EYA2: variants seen among roughly 807,000 people sequenced by gnomAD.
EYA2 encodes the protein protein phosphatase EYA2.
Under a neutral mutation model 69.2 loss-of-function variants are expected in EYA2, and 31 were observed. That is an observed-to-expected ratio of 0.45 (90% confidence interval 0.34 to 0.60). EYA2 has a LOEUF of 0.60. EYA2 is among the 20% of genes least tolerant of loss of function. The pLI, the probability that EYA2 is intolerant of heterozygous loss-of-function variation, is 0.02. For synonymous variants in EYA2, 257 were observed against 279.4 expected (o/e 0.92, Z 0.80); for missense variants, 622 against 701.2 (o/e 0.89, Z 1.28).
At chr20:47,021,179 A>T (rs1292338253) in intron 5 of EYA2, among the ~76,000 whole-genome samples, 1 of 152,226 alleles carries the variant, frequency 6.6e-6, no homozygotes, top group East Asian at 1.9e-4. Context: ...TTCAGGTTTG[A>T]TGGGCCATGT....
At chr20:47,157,057 A>G (rs1445612833) in intron 10 of EYA2, among the ~76,000 whole-genome samples, 21 of 151,990 alleles carry the variant, frequency 1.4e-4, no homozygotes, top group Admixed American at 1.4e-3. Flanking sequence ...GTGCAACAAC[A>G]GTAATACTAA....
At chr20:46,895,263 G>C (rs1304661902) in intron 1 of EYA2, among the ~76,000 whole-genome samples, 1 of 152,166 alleles carries the variant, frequency 6.6e-6, no homozygotes, top group Non-Finnish European at 1.5e-5. Flanking sequence ...CCTGAAGTTT[G>C]CTCTCCCGCG....
intron 10 of EYA2, among the ~76,000 whole-genome samples, chr20:47,166,502 C>A (rs1235437095): frequency 1.4e-5 from 2 of 138,630 alleles, no homozygotes; most frequent in African/African-American, 2.6e-5. Flanking sequence ...CTTCCAATTT[C>A]TCTACTCCCA....
At chr20:47,133,215 C>T (rs1040334589) in intron 9 of EYA2, among the ~76,000 whole-genome samples, 2 of 152,024 alleles carry the variant, frequency 1.3e-5, no homozygotes, top group Non-Finnish European at 2.9e-5. Context: ...AGATGGCTGC[C>T]GGCATCCTTG....
chr20:47,124,678 C>G (rs1165760842), intron 9 of EYA2, among the ~76,000 whole-genome samples: 1 of 152,164 alleles, frequency 6.6e-6, no homozygotes, highest in Non-Finnish European at 1.5e-5. Flanking sequence ...CTGTGACTTT[C>G]CCACTTGTAG....
At chr20:47,104,573 T>A (rs865876736) in intron 9 of EYA2, among the ~76,000 whole-genome samples, 1 of 152,212 alleles carries the variant, frequency 6.6e-6, no homozygotes, top group Non-Finnish European at 1.5e-5. Context: ...GCTCTTACAT[T>A]TAGGTCTGTG....
chr20:46,931,012 G>A (rs6066124), intron 1 of EYA2, among the ~76,000 whole-genome samples: 147,904 of 152,322 alleles, frequency 0.97, 71,944 homozygotes, highest in Non-Finnish European at 1. Context: ...TGTGATAACC[G>A]AAAACGTCTC....
chr20:47,108,372 C>T (rs375212874), intron 9 of EYA2, among the ~76,000 whole-genome samples: 1 of 152,236 alleles, frequency 6.6e-6, no homozygotes, highest in East Asian at 1.9e-4. Context: ...TGCTGGCTCC[C>T]CTTTGCTTTC....
intron 1 of EYA2, among the ~76,000 whole-genome samples, chr20:46,942,053 G>C (rs984267539): frequency 6.6e-6 from 1 of 152,180 alleles, no homozygotes; most frequent in African/African-American, 2.4e-5. Context: ...CCCTGTGCCT[G>C]GCCTAGACGT....
At chr20:47,003,608 A>G (rs753901600) in intron 3 of EYA2, among the ~76,000 whole-genome samples, 36 of 151,858 alleles carry the variant, frequency 2.4e-4, no homozygotes, top group African/African-American at 8.5e-4. Flanking sequence ...TTCAAATTTT[A>G]ACAACAATTT....
chr20:46,914,779 C>T (rs1344524291), intron 1 of EYA2, among the ~76,000 whole-genome samples: 1 of 152,184 alleles, frequency 6.6e-6, no homozygotes, highest in Non-Finnish European at 1.5e-5. Flanking sequence ...AGAAGAGTTC[C>T]TCTCTCAGAT....
chr20:47,075,904 T>A (rs1455094860), intron 7 of EYA2, among the ~76,000 whole-genome samples: 1 of 152,190 alleles, frequency 6.6e-6, no homozygotes, highest in African/African-American at 2.4e-5. Context: ...CTTCTTTGTA[T>A]CCATGTGTAC....
chr20:47,046,039 A>G (rs2030018747), intron 5 of EYA2, among the ~76,000 whole-genome samples: 1 of 152,194 alleles, frequency 6.6e-6, no homozygotes, highest in Non-Finnish European at 1.5e-5. Flanking sequence ...TAAACAACAG[A>G]CATTTACTTC....
intron 10 of EYA2, among the ~76,000 whole-genome samples, chr20:47,162,510 C>T (rs978835943): frequency 7.3e-6 from 1 of 137,738 alleles, no homozygotes; most frequent in Non-Finnish European, 1.5e-5. Flanking sequence ...TACATACACA[C>T]ATTATCCTTT....
At chr20:46,960,950 G>A (rs1213607471) in intron 1 of EYA2, among the ~76,000 whole-genome samples, 1 of 152,192 alleles carries the variant, frequency 6.6e-6, no homozygotes, top group Non-Finnish European at 1.5e-5. Flanking sequence ...CCCAGGAGGT[G>A]CCTGGGAGGC....
intron 9 of EYA2, among the ~76,000 whole-genome samples, chr20:47,110,488 C>T (rs1448728640): frequency 3.9e-5 from 6 of 152,168 alleles, no homozygotes; most frequent in Non-Finnish European, 8.8e-5. Context: ...TCCCAAAGTG[C>T]TGTGATTACA....
chr20:46,943,294 C>G (rs1020313126), intron 1 of EYA2, among the ~76,000 whole-genome samples: 2 of 152,206 alleles, frequency 1.3e-5, no homozygotes, highest in South Asian at 2.1e-4. Context: ...ACCATCCACT[C>G]TGAATGTCAG....
chr20:46,928,733 A>G (rs1299472722), intron 1 of EYA2, among the ~76,000 whole-genome samples: 1 of 152,228 alleles, frequency 6.6e-6, no homozygotes, highest in Non-Finnish European at 1.5e-5. Context: ...TTGTCGATGT[A>G]ACATTTGCTC....
intron 10 of EYA2, chr20:47,166,941 T>A (rs1330725466): frequency 6.5e-6 from 1 of 153,872 alleles, no homozygotes; most frequent in African/African-American, 2.4e-5. Context: ...CCCCCGCACA[T>A]TTTTTGCCCC....
Sources: gnomAD v4.1 joint callset for allele counts (sites outside exome capture counted in the v4.1 genomes callset) on GRCh38, gnomAD v4.1.1 for gene constraint, MANE v1.5 for transcripts, NCBI Gene and HGNC (gene_info 2026-07-23, HGNC 2026-07-21) for gene names.